FSHR: variants seen among roughly 807,000 people sequenced by gnomAD.
The protein encoded by FSHR is follicle-stimulating hormone receptor.
A neutral mutation model predicts 52.1 loss-of-function variants in FSHR; 46 were observed. The ratio of observed to expected loss-of-function variants is 0.88; its 90% CI spans 0.70 to 1.13. FSHR has a LOEUF of 1.13. Among genes scored for constraint, FSHR ranks in the 50% most tolerant of loss-of-function variants. The pLI is 0.00. For missense variants in FSHR, 964 were observed against 834.6 expected, an observed-to-expected ratio of 1.16 and a Z score of -1.91; for synonymous variants, 399 against 309.6, an observed-to-expected ratio of 1.29 and a Z score of -3.03.
intron 6 of FSHR, 84 bp from the exon 7 acceptor site, chr2:48,983,250 G>T: frequency 7.9e-7 from 1 of 1,272,612 alleles, no homozygotes; most frequent in Non-Finnish European, 1.1e-6. Context: ...CTGAGCAAGG[G>T]CAGACAGCAC....
intron 2 of FSHR, among the ~76,000 whole-genome samples, chr2:49,034,545 G>C (rs1166715620): frequency 6.6e-6 from 1 of 152,138 alleles, no homozygotes; most frequent in Admixed American, 6.5e-5. Context: ...AGTGTAAAGT[G>C]AGTAAAAAAC....
At chr2:49,108,820 A>T (rs1174090533) in intron 1 of FSHR, among the ~76,000 whole-genome samples, 1 of 152,170 alleles carries the variant, frequency 6.6e-6, no homozygotes, top group East Asian at 1.9e-4. Flanking sequence ...GTTAAAAATG[A>T]GTCAAAAGTT....
intron 9 of FSHR, among the ~76,000 whole-genome samples, chr2:48,966,073 T>C (rs942835190): frequency 8.6e-5 from 13 of 152,038 alleles, no homozygotes; most frequent in African/African-American, 2.4e-5. Flanking sequence ...GGTCAAGTTA[T>C]TTAGTATCTC....
At chr2:49,072,978 C>T (rs970080908) in intron 1 of FSHR, among the ~76,000 whole-genome samples, 1 of 151,980 alleles carries the variant, frequency 6.6e-6, no homozygotes, top group Non-Finnish European at 1.5e-5. Flanking sequence ...TTAACAAATT[C>T]AAAAGGTATG....
chr2:49,059,481 T>C (rs1306722322), intron 2 of FSHR: 1 of 152,050 alleles, frequency 6.6e-6, no homozygotes, highest in Non-Finnish European at 1.5e-5. Context: ...TGCACGTATC[T>C]ATAGCCAACT....
chr2:49,092,792 A>C (rs57984666), intron 1 of FSHR, among the ~76,000 whole-genome samples: 1 of 151,904 alleles, frequency 6.6e-6, no homozygotes. Flanking sequence ...CAGCCTCCCA[A>C]ATAGCTGGGA....
chr2:49,095,035 C>T (rs1670769929), intron 1 of FSHR, among the ~76,000 whole-genome samples: 1 of 151,960 alleles, frequency 6.6e-6, no homozygotes, highest in Non-Finnish European at 1.5e-5. Flanking sequence ...ACTAGATAAC[C>T]TAGATGAAAT....
intron 2 of FSHR, among the ~76,000 whole-genome samples, chr2:49,048,517 C>T (rs571535233): frequency 1.2e-4 from 18 of 152,274 alleles, no homozygotes; most frequent in Admixed American, 1.0e-3. Flanking sequence ...AACATGCTGT[C>T]CTTATTATTC....
intron 4 of FSHR, among the ~76,000 whole-genome samples, chr2:49,002,807 C>A (rs2104151362): frequency 6.6e-6 from 1 of 152,212 alleles, no homozygotes; most frequent in Non-Finnish European, 1.5e-5. Flanking sequence ...TTCTCACAGG[C>A]AGGGCCAGGG....
At chr2:48,992,455 A>T (rs547611329) in intron 4 of FSHR, among the ~76,000 whole-genome samples, 10 of 152,152 alleles carry the variant, frequency 6.6e-5, no homozygotes, top group Non-Finnish European at 1.3e-4. Context: ...GAGCCCAAAG[A>T]TGCTCTCCAC....
chr2:49,097,280 G>A (rs1247711329), intron 1 of FSHR, among the ~76,000 whole-genome samples: 2 of 152,054 alleles, frequency 1.3e-5, no homozygotes, highest in Non-Finnish European at 2.9e-5. Flanking sequence ...TAAGCTGTAG[G>A]TGAATCTGTG....
chr2:48,992,436 C>T (rs1218634116), intron 4 of FSHR, among the ~76,000 whole-genome samples: 2 of 152,144 alleles, frequency 1.3e-5, no homozygotes, highest in South Asian at 2.1e-4. Flanking sequence ...TCCATGATGT[C>T]CCCCACTGGA....
At chr2:49,142,810 G>T (rs12997920) in intron 1 of FSHR, among the ~76,000 whole-genome samples, 65,119 of 151,828 alleles carry the variant, frequency 0.43, 14,278 homozygotes, top group East Asian at 0.7. Flanking sequence ...TGGAGCTATA[G>T]TTTATGTGTC....
intron 2 of FSHR, among the ~76,000 whole-genome samples, chr2:49,050,165 G>A (rs923419916): frequency 1.2e-4 from 19 of 152,200 alleles, no homozygotes; most frequent in South Asian, 2.1e-4. Context: ...ACTAACTCAC[G>A]TTTGACCTGG....
At chr2:49,152,796 G>A (rs1375448179) in intron 1 of FSHR, among the ~76,000 whole-genome samples, 3 of 152,198 alleles carry the variant, frequency 2.0e-5, no homozygotes. Context: ...AACCAAGCAG[G>A]TTGTACTAAA....
intron 8 of FSHR, among the ~76,000 whole-genome samples, chr2:48,977,277 G>C (rs1273315299): frequency 6.6e-6 from 1 of 152,122 alleles, no homozygotes. Context: ...AATCATACTT[G>C]GAGGAGTAAA....
chr2:49,103,508 T>C (rs1053333675), intron 1 of FSHR, among the ~76,000 whole-genome samples: 127 of 152,244 alleles, frequency 8.3e-4, no homozygotes, highest in Non-Finnish European at 2.2e-4. Flanking sequence ...TGCATAGTTG[T>C]GATCCTCAGC....
At chr2:49,127,887 TTCTTCTTCTTC>T (rs1558457048) in intron 1 of FSHR, among the ~76,000 whole-genome samples, 1,463 of 42,562 alleles carry the variant, frequency 0.034, 194 homozygotes, top group South Asian at 0.044. Flanking sequence ...CTTCTTCTTC[TTCTTCTTCTTC>T]TTTTTTTTTT....
chr2:48,988,551 C>T (rs1011416130), intron 6 of FSHR, among the ~76,000 whole-genome samples: 2 of 152,210 alleles, frequency 1.3e-5, no homozygotes, highest in Non-Finnish European at 2.9e-5. Flanking sequence ...GAGAAGTCAT[C>T]CTATGCTCAG....
Sources: gnomAD v4.1 joint callset for allele counts (sites outside exome capture counted in the v4.1 genomes callset) on GRCh38, gnomAD v4.1.1 for gene constraint, MANE v1.5 for transcripts, NCBI Gene and HGNC (gene_info 2026-07-23, HGNC 2026-07-21) for gene names.